GALNT17: variants seen among roughly 807,000 people sequenced by gnomAD.
The protein encoded by GALNT17 is polypeptide N-acetylgalactosaminyltransferase 17.
Under a neutral mutation model 63.7 loss-of-function variants are expected in GALNT17, and 29 were observed. The observed-to-expected ratio is 0.46, with a 90% CI of 0.34 to 0.62. The LOEUF is 0.62. Ranked by LOEUF, GALNT17 falls within the 20% of genes least tolerant of loss-of-function variation. The pLI is 0.01. For synonymous variants in GALNT17, 305 were observed against 318.3 expected (o/e 0.96, Z 0.45); for missense variants, 603 against 799.6 (o/e 0.75, Z 2.97).
chr7:71,153,683 G>A (rs995120130), intron 1 of GALNT17, among the ~76,000 whole-genome samples: 17 of 152,042 alleles, frequency 1.1e-4, no homozygotes, highest in Admixed American at 1.0e-3. Context: ...GTGGGAGGCC[G>A]AGGCCGGTGG....
intron 3 of GALNT17, among the ~76,000 whole-genome samples, chr7:71,389,811 C>T (rs1277229411): frequency 1.3e-5 from 2 of 152,170 alleles, no homozygotes; most frequent in East Asian, 3.9e-4. Flanking sequence ...CCAAAATGAT[C>T]TTAAGTAGAA....
chr7:71,238,796 A>G (rs1789941624), intron 1 of GALNT17, among the ~76,000 whole-genome samples: 1 of 152,246 alleles, frequency 6.6e-6, no homozygotes, highest in South Asian at 2.1e-4. Context: ...GGTGGGACCT[A>G]TTGACTCATT....
intron 6 of GALNT17, among the ~76,000 whole-genome samples, chr7:71,622,836 GTAA>G (rs1184724519): frequency 6.6e-6 from 1 of 152,150 alleles, no homozygotes; most frequent in Non-Finnish European, 1.5e-5. Flanking sequence ...AGTGCTCTTG[GTAA>G]TGTTTAGAAT....
At chr7:71,166,596 G>T (rs1788444866) in intron 1 of GALNT17, among the ~76,000 whole-genome samples, 1 of 152,064 alleles carries the variant, frequency 6.6e-6, no homozygotes, top group Non-Finnish European at 1.5e-5. Context: ...TAACATACAT[G>T]GAATAATATA....
rs1191379679 is a variant in GALNT17 at position 71,335,594 on chromosome 7, G to C, written c.283G>C (p.Gly95Arg). 1 of 1,611,770 alleles carries C rather than the reference G, an allele frequency of 6.2e-7. No individual in the cohort carries two copies. Among genetic ancestry groups the C allele is most frequent in the Non-Finnish European group, 8.5e-7 (1 of 1,178,858 alleles). ...LGLIEGYGGR[G>R]KGGLPATLSP... ...GCTCATTGAAGGTTATGGTGGGCGG[G>C]GTAAAGGGGGCCTTCCGGCTACTCT... Residue 95 changes from glycine (G) to arginine (R), a missense_variant, in exon 2 of 11, where the codon GGT becomes CGT. Physicochemically the swap from Gly to Arg is moderately radical, Grantham distance 125. Transcript: ENST00000333538.
chr7:71,585,368 T>A (rs1789699759), intron 6 of GALNT17, among the ~76,000 whole-genome samples: 1 of 152,232 alleles, frequency 6.6e-6, no homozygotes, highest in African/African-American at 2.4e-5. Context: ...CACCCATTAA[T>A]TCATTAGGGC....
intron 5 of GALNT17, among the ~76,000 whole-genome samples, chr7:71,533,207 G>A (rs1031782013): frequency 1.3e-5 from 2 of 151,852 alleles, no homozygotes; most frequent in Non-Finnish European, 1.5e-5. Flanking sequence ...AAACTATAAG[G>A]GAACAAAAAT....
At chr7:71,541,199 G>A (rs903224496) in intron 5 of GALNT17, among the ~76,000 whole-genome samples, 2 of 149,144 alleles carry the variant, frequency 1.3e-5, no homozygotes, top group Non-Finnish European at 3.0e-5. Flanking sequence ...AGCAGAGATC[G>A]TGCCACTGCA....
intron 1 of GALNT17, among the ~76,000 whole-genome samples, chr7:71,291,854 T>C (rs531581296): frequency 6.6e-6 from 1 of 152,346 alleles, no homozygotes; most frequent in South Asian, 2.1e-4. Context: ...CTTGCATTTA[T>C]TTATCAACCT....
chr7:71,217,140 G>GTTTTTTT (rs200574411), intron 1 of GALNT17, among the ~76,000 whole-genome samples: 3 of 95,212 alleles, frequency 3.2e-5, no homozygotes, highest in South Asian at 3.9e-4. Flanking sequence ...ATTTTTTCGT[G>GTTTTTTT]TTTTGTTTTT....
At chr7:71,460,827 C>T (rs1475828770) in intron 5 of GALNT17, among the ~76,000 whole-genome samples, 1 of 152,116 alleles carries the variant, frequency 6.6e-6, no homozygotes, top group Non-Finnish European at 1.5e-5. Context: ...ACTGTCATGG[C>T]GCTGGTGGGA....
rs1360082855 is a variant in GALNT17, at chr7:71,335,888, A to G, written c.422+155A>G. Among the ~76,000 whole-genome samples, 12 of 152,302 alleles carry G rather than the reference A, an allele frequency of 7.9e-5. No homozygotes were observed. The East Asian group carries it at 2.1e-3, about 27-fold the overall frequency. On this transcript the variant is annotated intron_variant, in intron 2 of 10. Coordinates refer to ENST00000333538, the MANE Select transcript of GALNT17 (RefSeq NM_022479.3). Reference sequence around the variant, plus strand: ...TAAATAAACTTAGTACTCCTGTTGCATATGAAAGATTAGCTAAACAAAAAA... The same window carrying G: ...TAAATAAACTTAGTACTCCTGTTGCGTATGAAAGATTAGCTAAACAAAAAA...
chr7:71,294,917 TC>T (rs1386001323), intron 1 of GALNT17, among the ~76,000 whole-genome samples: 1 of 152,158 alleles, frequency 6.6e-6, no homozygotes, highest in Non-Finnish European at 1.5e-5. Context: ...TAATCCCCTC[TC>T]TCCTGATGCT....
chr7:71,208,863 C>T (rs931952561), intron 1 of GALNT17, among the ~76,000 whole-genome samples: 5 of 152,110 alleles, frequency 3.3e-5, no homozygotes, highest in African/African-American at 7.2e-5. Flanking sequence ...TCTCCACTTA[C>T]AACATTACAC....
At position 71,318,420 on chromosome 7, in the gene GALNT17, T is replaced by TG. The variant is rs371274714; in HGVS notation, c.239-17130_239-17129insG. Among the ~76,000 whole-genome samples, 17 of 146,912 alleles carry TG rather than the reference T, an allele frequency of 1.2e-4. 1 individual carries two copies. In the East Asian group the frequency reaches 2.0e-3, roughly 17 times the overall value. On this transcript the variant is annotated intron_variant, in intron 1 of 10. Coordinates refer to ENST00000333538, the MANE Select transcript of GALNT17 (RefSeq NM_022479.3). ...ACCATTCCCTGAAGCTCTTTTTTTT[T>TG]TGTGTGTGTGTGGGGGGTGGGATAT...
intron 2 of GALNT17, among the ~76,000 whole-genome samples, chr7:71,337,730 C>T (rs1188303116): frequency 6.6e-6 from 1 of 151,486 alleles, no homozygotes; most frequent in Non-Finnish European, 1.5e-5. Flanking sequence ...TGGCTGGGCG[C>T]GGTGGCAGGC....
intron 5 of GALNT17, among the ~76,000 whole-genome samples, chr7:71,452,292 T>A (rs1248710702): frequency 2.0e-5 from 3 of 150,960 alleles, no homozygotes; most frequent in Non-Finnish European, 4.4e-5. Context: ...ACGCCTGTAA[T>A]CCCAGCACTT....
chr7:71,323,912 A>G (rs964197436), intron 1 of GALNT17, among the ~76,000 whole-genome samples: 4 of 152,122 alleles, frequency 2.6e-5, no homozygotes, highest in Non-Finnish European at 4.4e-5. Context: ...CACATAGACT[A>G]TGATATCAGA....
In GALNT17 at chr7:71,610,308, T is replaced by C. The variant is rs143879749; in HGVS notation, c.1080+38906T>C. Among the ~76,000 whole-genome samples, 53 of 152,150 alleles carry C rather than the reference T, an allele frequency of 3.5e-4. 1 individual carries two copies. In the East Asian group the frequency reaches 8.9e-3, roughly 26 times the overall value. ...GAGTTTGAGACCAACCTGGGCAACG[T>C]AGCAAGACTCTATCTCTTTAAAAAA... On this transcript the variant is annotated intron_variant, in intron 6 of 10. Coordinates refer to ENST00000333538, the MANE Select transcript of GALNT17 (RefSeq NM_022479.3).
Sources: gnomAD v4.1 joint callset for allele counts (sites outside exome capture counted in the v4.1 genomes callset) on GRCh38, gnomAD v4.1.1 for gene constraint, MANE v1.5 for transcripts, NCBI Gene and HGNC (gene_info 2026-07-23, HGNC 2026-07-21) for gene names.